Variants in ADGRL3 observed in about 807,000 individuals in gnomAD.
ADGRL3 encodes the protein calcium-independent alpha-latrotoxin receptor 3.
In ADGRL3, 62 loss-of-function variants were observed where a neutral mutation model predicts 153.5. The ratio of observed to expected loss-of-function variants is 0.40; its 90% CI spans 0.33 to 0.50. The LOEUF is 0.50. ADGRL3 is among the 20% of genes least tolerant of loss of function. The pLI is 0.47. For missense variants in ADGRL3, 1,641 were observed against 1,859.4 expected (o/e 0.88, Z 2.16); for synonymous variants, 710 against 672.5 (o/e 1.06, Z -0.86).
chr4:61,617,585 A>C (rs1417699582), intron 5 of ADGRL3, among the ~76,000 whole-genome samples: 1 of 152,206 alleles, frequency 6.6e-6, no homozygotes, highest in Non-Finnish European at 1.5e-5. Flanking sequence ...TCTGCAACTC[A>C]ATTAGAAAGA....
intron 4 of ADGRL3, among the ~76,000 whole-genome samples, chr4:61,527,588 T>C (rs999929988): frequency 2.0e-5 from 3 of 152,210 alleles, no homozygotes; most frequent in Non-Finnish European, 2.9e-5. Flanking sequence ...CTACTTTAGA[T>C]TAACTGTGAA....
At chr4:61,378,366 A>G (rs1440182603) in intron 1 of ADGRL3, among the ~76,000 whole-genome samples, 1 of 152,024 alleles carries the variant, frequency 6.6e-6, no homozygotes, top group East Asian at 1.9e-4. Flanking sequence ...GATACTTTAT[A>G]TAATGGAGTA....
rs115957841 is a variant in ADGRL3 at position 61,275,790 on chromosome 4, C to T, written c.-240+74025C>T. The stretch of plus-strand genomic sequence containing the variant: ...ACTGGGCATTTGGTTACTTACATAT[C>T]TAAAATAAAAGTGATGTCTGTTGGC... On this transcript the variant is annotated intron_variant, in intron 1 of 26. Transcript: ENST00000683033. Among the ~76,000 whole-genome samples the T allele has an allele frequency of 4.2e-3, 640 of 152,244 alleles. 1 individual carries two copies. Among genetic ancestry groups the T allele is most frequent in the Middle Eastern group, 0.02 (6 of 294 alleles).
At chr4:61,743,020 T>C (rs1468252391) in intron 8 of ADGRL3, among the ~76,000 whole-genome samples, 2 of 151,704 alleles carry the variant, frequency 1.3e-5, no homozygotes, top group Non-Finnish European at 2.9e-5. Context: ...TTTTCAATAA[T>C]GTTAGAAAAA....
intron 17 of ADGRL3, among the ~76,000 whole-genome samples, chr4:61,950,035 A>T (rs1206350106): frequency 6.6e-6 from 1 of 152,226 alleles, no homozygotes; most frequent in African/African-American, 2.4e-5. Context: ...CATACAATTC[A>T]TTAAAATTTT....
At chr4:61,665,409 AAAAACAAAAACG>A (rs1185565766) in intron 5 of ADGRL3, among the ~76,000 whole-genome samples, 18 of 152,254 alleles carry the variant, frequency 1.2e-4, no homozygotes, top group Middle Eastern at 3.4e-3. Context: ...AAACTGTCTT[AAAAACAAAAACG>A]AAAACAAAAA....
chr4:61,653,390 A>G (rs752697014), intron 5 of ADGRL3, among the ~76,000 whole-genome samples: 26 of 152,188 alleles, frequency 1.7e-4, no homozygotes, highest in Non-Finnish European at 2.8e-4. Context: ...TGAACTGACT[A>G]AAATATATGC....
intron 17 of ADGRL3, among the ~76,000 whole-genome samples, chr4:61,970,478 T>C (rs1403803952): frequency 6.6e-6 from 1 of 152,160 alleles, no homozygotes; most frequent in African/African-American, 2.4e-5. Context: ...GTTTGGCTTT[T>C]TTTTCTTAAT....
intron 9 of ADGRL3, among the ~76,000 whole-genome samples, chr4:61,830,672 C>T (rs1478869211): frequency 6.6e-6 from 1 of 151,968 alleles, no homozygotes; most frequent in Non-Finnish European, 1.5e-5. Context: ...AACTATTTGA[C>T]CAGCCAGATT....
Position 61,976,444 on chromosome 4 carries a change from C to T in ADGRL3, c.2806-3119C>T, listed in dbSNP as rs995197970. ...CCACTTGATATGGTTTGGCTGTGTC[C>T]TAATCCAAGTATCACCTTGAATTGC... On this transcript the variant is annotated intron_variant, in intron 17 of 26. Transcript: ENST00000683033. Among the ~76,000 whole-genome samples, 4 of 152,014 alleles carry T rather than the reference C, an allele frequency of 2.6e-5. No individual in the cohort carries two copies. The East Asian group carries it at 7.7e-4, about 29-fold the overall frequency.
At chr4:61,853,174 C>G (rs1043256463) in intron 9 of ADGRL3, among the ~76,000 whole-genome samples, 12 of 152,182 alleles carry the variant, frequency 7.9e-5, no homozygotes, top group Admixed American at 7.2e-4. Context: ...TTTGGTCTTT[C>G]TGGTGACCAG....
chr4:61,840,853 G>T (rs920123880), intron 9 of ADGRL3, among the ~76,000 whole-genome samples: 2 of 152,088 alleles, frequency 1.3e-5, no homozygotes, highest in Non-Finnish European at 2.9e-5. Flanking sequence ...TCCTTCTTTG[G>T]CAGAAGGAGA....
chr4:61,539,522 G>A (rs2148603510), intron 4 of ADGRL3, among the ~76,000 whole-genome samples: 1 of 152,276 alleles, frequency 6.6e-6, no homozygotes, highest in South Asian at 2.1e-4. Context: ...AGTGTGCTCT[G>A]GGGTCTTTTT....
At chr4:61,394,759 A>G (rs2152055971) in intron 2 of ADGRL3, among the ~76,000 whole-genome samples, 1 of 152,190 alleles carries the variant, frequency 6.6e-6, no homozygotes, top group South Asian at 2.1e-4. Flanking sequence ...TAATGCAATT[A>G]GCTAAAATGT....
chr4:61,368,509 T>A (rs1416036862), intron 1 of ADGRL3, among the ~76,000 whole-genome samples: 1 of 152,142 alleles, frequency 6.6e-6, no homozygotes, highest in African/African-American at 2.4e-5. Flanking sequence ...TGCTTGTTTT[T>A]CTCAGGTTTG....
intron 8 of ADGRL3, among the ~76,000 whole-genome samples, chr4:61,793,741 A>G (rs1384517961): frequency 6.6e-6 from 1 of 152,116 alleles, no homozygotes; most frequent in East Asian, 1.9e-4. Context: ...ACTCAAAACG[A>G]TAAGTTATAA....
At chr4:61,813,971 T>C in intron 9 of ADGRL3, 82 bp downstream of exon 9, 1 of 1,545,474 alleles carries the variant, frequency 6.5e-7, no homozygotes, top group African/African-American at 1.4e-5. Flanking sequence ...ATGTATTTTG[T>C]AATGCAGTGC....
chr4:61,316,882 A>G (rs2095231258), intron 1 of ADGRL3, among the ~76,000 whole-genome samples: 1 of 152,140 alleles, frequency 6.6e-6, no homozygotes, highest in South Asian at 2.1e-4. Flanking sequence ...CCTTCTCTTT[A>G]TTATTTTTTT....
chr4:62,007,395 C>CACAT (rs369431931), intron 21 of ADGRL3, among the ~76,000 whole-genome samples: 15,989 of 75,962 alleles, frequency 0.21, 2,740 homozygotes, highest in East Asian at 0.34. Context: ...CACACACACA[C>CACAT]ATATATATAT....
Sources: gnomAD v4.1 joint callset for allele counts (sites outside exome capture counted in the v4.1 genomes callset) on GRCh38, gnomAD v4.1.1 for gene constraint, MANE v1.5 for transcripts, NCBI Gene and HGNC (gene_info 2026-07-23, HGNC 2026-07-21) for gene names.